PPP1R37: variants seen among roughly 807,000 people sequenced by gnomAD.
The protein encoded by PPP1R37 is protein phosphatase 1 regulatory subunit 37, also known as leucine rich repeat containing 68.
In PPP1R37, 21 loss-of-function variants were observed where a neutral mutation model predicts 61.0. The ratio of observed to expected loss-of-function variants is 0.34; its 90% CI spans 0.24 to 0.50. The LOEUF is 0.50. Among genes scored for constraint, PPP1R37 ranks in the 20% least tolerant of loss-of-function variants. PPP1R37 has a pLI of 0.98. For synonymous variants in PPP1R37, 443 were observed against 433.5 expected (o/e 1.02, Z -0.27); for missense variants, 910 against 952.7 (o/e 0.96, Z 0.59).
chr19:45,132,246 G>A (rs1433408047), intron 1 of PPP1R37, among the ~76,000 whole-genome samples: 1 of 152,098 alleles, frequency 6.6e-6, no homozygotes, highest in Non-Finnish European at 1.5e-5. Context: ...TGCACATGGT[G>A]GATTTACTGC....
At chr19:45,129,747 C>G (rs1431452964) in intron 1 of PPP1R37, among the ~76,000 whole-genome samples, 2 of 152,212 alleles carry the variant, frequency 1.3e-5, no homozygotes, top group Admixed American at 1.3e-4. Context: ...GGCCAGCCCC[C>G]TGCCGTACCT....
intron 1 of PPP1R37, among the ~76,000 whole-genome samples, chr19:45,118,954 T>A (rs1371734798): frequency 6.6e-6 from 1 of 151,680 alleles, no homozygotes; most frequent in Non-Finnish European, 1.5e-5. Context: ...TCTGAGCAGC[T>A]GCTGCTTTTT....
intron 1 of PPP1R37, among the ~76,000 whole-genome samples, chr19:45,129,860 A>C (rs1321667235): frequency 6.6e-6 from 1 of 152,254 alleles, no homozygotes; most frequent in East Asian, 1.9e-4. Context: ...TCTCCCCAAC[A>C]CATTTGTTAA....
intron 12 of PPP1R37, 32 bp downstream of exon 12, chr19:45,146,512 G>A: frequency 6.9e-7 from 1 of 1,457,540 alleles, no homozygotes; most frequent in Non-Finnish European, 9.3e-7. Flanking sequence ...ACAGCACTCG[G>A]GAGGAGCTGA....
chr19:45,120,064 C>G (rs895528052), intron 1 of PPP1R37, among the ~76,000 whole-genome samples: 1 of 128,328 alleles, frequency 7.8e-6, no homozygotes. Context: ...GTCGCCCAGG[C>G]TGGAGTGCAG....
chr19:45,113,992 G>A (rs1222428113), intron 1 of PPP1R37, among the ~76,000 whole-genome samples: 1 of 152,220 alleles, frequency 6.6e-6, no homozygotes, highest in East Asian at 1.9e-4. Flanking sequence ...ACTCTCCCGG[G>A]GGCTGCTGAG....
rs531485015 is a variant in PPP1R37 at position 45,108,279 on chromosome 19, G to A, written c.202+14752G>A. ...AGCTGGAGTGCAGTGGCGTGATCTT[G>A]GCTGACTGCAAACTCCACCTCCTAG... is the stretch of plus-strand genomic sequence containing the variant. On this transcript the variant is annotated intron_variant, in intron 1 of 12. Coordinates refer to ENST00000221462, the MANE Select transcript of PPP1R37 (RefSeq NM_019121.2). Among the ~76,000 whole-genome samples the A allele has an allele frequency of 2.0e-5, 3 of 152,076 alleles. No homozygotes were observed. The East Asian group carries it at 5.8e-4, about 29-fold the overall frequency.
At chr19:45,098,024 G>A (rs955373584) in intron 1 of PPP1R37, among the ~76,000 whole-genome samples, 1 of 152,192 alleles carries the variant, frequency 6.6e-6, no homozygotes, top group African/African-American at 2.4e-5. Flanking sequence ...GTGAAACAGG[G>A]CCAGTGATCC....
intron 1 of PPP1R37, among the ~76,000 whole-genome samples, chr19:45,099,123 A>G (rs898452563): frequency 1.3e-5 from 2 of 152,040 alleles, no homozygotes; most frequent in East Asian, 1.9e-4. Flanking sequence ...GCCCCCACCT[A>G]TAGCCCTAAC....
chr19:45,111,193 C>G lies in PPP1R37; in HGVS notation c.202+17666C>G, dbSNP rs557135522. 2.0e-4 allele frequency among the ~76,000 whole-genome samples: 30 copies of G among 152,238 alleles called. 1 individual carries two copies. The highest frequency in any genetic ancestry group is 1.9e-3 in the South Asian group (9 of 4,818). ...CCCCAAGGCTCCAAGAGCTCTGTCT[C>G]CTCTGAGCCTTTGCACATGCTGTTC... On this transcript the variant is annotated intron_variant, in intron 1 of 12. Transcript: ENST00000221462.
chr19:45,141,255 C>T (rs1599711451), intron 4 of PPP1R37, 67 bp from the exon 5 acceptor site: 1 of 1,463,150 alleles, frequency 6.8e-7, no homozygotes, highest in Non-Finnish European at 9.0e-7. Flanking sequence ...GGCCCGGTGT[C>T]AGGGCCCACG....
At chr19:45,123,537 A>G (rs981749778) in intron 1 of PPP1R37, among the ~76,000 whole-genome samples, 2 of 152,216 alleles carry the variant, frequency 1.3e-5, no homozygotes, top group Non-Finnish European at 2.9e-5. Flanking sequence ...GTACTGATGC[A>G]GGACAGACAG....
At chr19:45,127,352 C>CAAAAAA (rs11295552) in intron 1 of PPP1R37, among the ~76,000 whole-genome samples, 1 of 69,648 alleles carries the variant, frequency 1.4e-5, no homozygotes, top group Non-Finnish European at 2.9e-5. Context: ...AACTCCATCT[C>CAAAAAA]AAAAAAAAAA....
At chr19:45,137,044 C>G (rs994388235) in intron 1 of PPP1R37, 132 of 113,186 alleles carry the variant, frequency 1.2e-3, no homozygotes, top group Non-Finnish European at 2.4e-3. Flanking sequence ...GGGCGAGGGG[C>G]CCCCCCCCCA....
chr19:45,138,679 C>A, intron 2 of PPP1R37, 68 bp downstream of exon 2: 2 of 1,164,256 alleles, frequency 1.7e-6, no homozygotes, highest in Non-Finnish European at 1.2e-6. Context: ...GGAACCAGCC[C>A]AGCAGGAGAG....
At chr19:45,108,244 C>T (rs562836111) in intron 1 of PPP1R37, among the ~76,000 whole-genome samples, 1 of 152,262 alleles carries the variant, frequency 6.6e-6, no homozygotes, top group African/African-American at 2.4e-5. Flanking sequence ...GGGTCTCGAT[C>T]TGTCCCTCAA....
chr19:45,102,860 G>A (rs1047375394), intron 1 of PPP1R37, among the ~76,000 whole-genome samples: 1 of 152,226 alleles, frequency 6.6e-6, no homozygotes, highest in African/African-American at 2.4e-5. Flanking sequence ...AGCCGCCACA[G>A]CACCTCCAGG....
intron 1 of PPP1R37, among the ~76,000 whole-genome samples, chr19:45,112,211 G>A (rs910405471): frequency 1.0e-4 from 12 of 116,426 alleles, no homozygotes; most frequent in Non-Finnish European, 2.2e-4. Context: ...CTGACCTCAA[G>A]TGATCCGCCC....
chr19:45,122,521 C>T (rs147187743), intron 1 of PPP1R37, among the ~76,000 whole-genome samples: 5 of 152,292 alleles, frequency 3.3e-5, no homozygotes, highest in East Asian at 3.9e-4. Flanking sequence ...CAGATCAGTA[C>T]GCTTCCTGCT....
Sources: allele counts gnomAD v4.1 joint callset (sites outside exome capture counted in the v4.1 genomes callset), GRCh38; gene constraint gnomAD v4.1.1; transcripts MANE v1.5; gene names NCBI Gene and HGNC (gene_info 2026-07-23, HGNC 2026-07-21).